OPCML: variants seen among roughly 807,000 people sequenced by gnomAD.
OPCML encodes opioid-binding protein/cell adhesion molecule.
A neutral mutation model predicts 37.8 loss-of-function variants in OPCML; 13 were observed. The ratio of observed to expected loss-of-function variants is 0.34; its 90% CI spans 0.22 to 0.55. OPCML has a LOEUF of 0.55. Ranked by LOEUF, OPCML falls within the 20% of genes least tolerant of loss-of-function variation. OPCML has a pLI of 0.91. For synonymous variants in OPCML, 176 were observed against 168.8 expected (o/e 1.04, Z -0.33); for missense variants, 341 against 435.6 (o/e 0.78, Z 1.93).
chr11:132,578,489 G>A (rs2137613719), intron 3 of OPCML, among the ~76,000 whole-genome samples: 1 of 152,244 alleles, frequency 6.6e-6, no homozygotes, highest in South Asian at 2.1e-4. Flanking sequence ...CTGCATTTGT[G>A]GAGCTTTATA....
At chr11:133,317,567 AGTT>A (rs1445732318) in intron 1 of OPCML, among the ~76,000 whole-genome samples, 1 of 152,198 alleles carries the variant, frequency 6.6e-6, no homozygotes, top group African/African-American at 2.4e-5. Flanking sequence ...TATTAGCAGA[AGTT>A]GTTGTCGTAG....
At chr11:132,768,476 C>T (rs1591582393) in intron 2 of OPCML, among the ~76,000 whole-genome samples, 1 of 152,294 alleles carries the variant, frequency 6.6e-6, no homozygotes, top group Middle Eastern at 3.4e-3. Context: ...GAGGCTTCTA[C>T]AATTTGGGTA....
chr11:132,664,600 G>A (rs1942143250), intron 2 of OPCML, among the ~76,000 whole-genome samples: 1 of 152,132 alleles, frequency 6.6e-6, no homozygotes, highest in East Asian at 1.9e-4. Context: ...TCATAAACCA[G>A]TGATAAATAA....
chr11:132,839,474 A>C (rs1284034379), intron 2 of OPCML, among the ~76,000 whole-genome samples: 1 of 152,204 alleles, frequency 6.6e-6, no homozygotes, highest in Non-Finnish European at 1.5e-5. Context: ...ATTTTCCAGC[A>C]TGCTTAAATT....
chr11:133,398,114 C>T (rs1477596921), intron 1 of OPCML, among the ~76,000 whole-genome samples: 1 of 152,228 alleles, frequency 6.6e-6, no homozygotes, highest in Non-Finnish European at 1.5e-5. Context: ...AAGGGAGGCT[C>T]ACCTGCTGAC....
chr11:133,361,397 A>G (rs1180934860), intron 1 of OPCML: 1 of 152,504 alleles, frequency 6.6e-6, no homozygotes. Flanking sequence ...CGTCGGGGTC[A>G]CTGTGCCAGG....
intron 4 of OPCML, among the ~76,000 whole-genome samples, chr11:132,498,261 T>C (rs1477175849): frequency 1.3e-5 from 2 of 152,228 alleles, no homozygotes; most frequent in Non-Finnish European, 2.9e-5. Flanking sequence ...TTGAAGATTT[T>C]ACAGAGTTAA....
At chr11:132,801,753 G>A (rs1162347469) in intron 2 of OPCML, among the ~76,000 whole-genome samples, 1 of 152,126 alleles carries the variant, frequency 6.6e-6, no homozygotes, top group South Asian at 2.1e-4. Context: ...TTAAGTCTCA[G>A]TCTATTCTCC....
At chr11:132,643,480 AC>A (rs1940973034) in intron 3 of OPCML, among the ~76,000 whole-genome samples, 1 of 151,856 alleles carries the variant, frequency 6.6e-6, no homozygotes, top group African/African-American at 2.4e-5. Flanking sequence ...TGATTTTCCC[AC>A]CCCCAACCAG....
At chr11:132,714,887 G>A (rs1944410687) in intron 2 of OPCML, among the ~76,000 whole-genome samples, 1 of 152,138 alleles carries the variant, frequency 6.6e-6, no homozygotes, top group African/African-American at 2.4e-5. Flanking sequence ...GAGCTCTGAG[G>A]GTGATCTGAG....
chr11:132,964,464 G>A (rs1946168937), intron 1 of OPCML, among the ~76,000 whole-genome samples: 1 of 152,196 alleles, frequency 6.6e-6, no homozygotes, highest in African/African-American at 2.4e-5. Flanking sequence ...CATAACCTGT[G>A]TGAGCCTTAG....
At chr11:133,106,751 A>G (rs1949164969) in intron 1 of OPCML, among the ~76,000 whole-genome samples, 1 of 152,230 alleles carries the variant, frequency 6.6e-6, no homozygotes, top group Non-Finnish European at 1.5e-5. Flanking sequence ...AGAAGACAAA[A>G]ATAAAAAGTA....
At chr11:133,470,430 G>A (rs1269710540) in intron 1 of OPCML, among the ~76,000 whole-genome samples, 1 of 152,198 alleles carries the variant, frequency 6.6e-6, no homozygotes, top group Non-Finnish European at 1.5e-5. Context: ...GCTGACCAGA[G>A]GGTGGAAAAG....
chr11:133,364,715 A>G (rs1311232272), intron 1 of OPCML, among the ~76,000 whole-genome samples: 1 of 152,160 alleles, frequency 6.6e-6, no homozygotes, highest in African/African-American at 2.4e-5. Flanking sequence ...CCTTCTTTTT[A>G]TCTTTATTCT....
intron 1 of OPCML, among the ~76,000 whole-genome samples, chr11:132,983,452 G>T (rs1254667667): frequency 6.6e-6 from 1 of 152,172 alleles, no homozygotes; most frequent in African/African-American, 2.4e-5. Context: ...GAAGAAAGGC[G>T]CAGCCCTGAC....
At chr11:132,944,076 C>A (rs1247433108) in intron 1 of OPCML, among the ~76,000 whole-genome samples, 1 of 152,062 alleles carries the variant, frequency 6.6e-6, no homozygotes, top group African/African-American at 2.4e-5. Flanking sequence ...GCCCACCGGG[C>A]TGGGGATGCC....
chr11:133,239,365 T>C (rs1940640047), intron 1 of OPCML, among the ~76,000 whole-genome samples: 1 of 152,204 alleles, frequency 6.6e-6, no homozygotes, highest in Admixed American at 6.5e-5. Flanking sequence ...GACCAGACCT[T>C]GCTTGGACCC....
rs112896453 is a variant in OPCML at position 132,967,341 on chromosome 11, A to G, written c.62-24331T>C. On this transcript the variant is annotated intron_variant, in intron 1 of 7. Transcript: ENST00000524381. The stretch of plus-strand genomic sequence containing the variant: ...TGTTTCTTATACATATTACAACTGT[A>G]TTGTTACAAACCAATAGTGCATTTT... Among the ~76,000 whole-genome samples, 230 of 152,192 alleles carry G rather than the reference A, an allele frequency of 1.5e-3. 4 individuals are homozygous for G. Among genetic ancestry groups the G allele is most frequent in the Non-Finnish European group, 2.3e-3 (153 of 67,936 alleles).
rs189463223 is a variant in OPCML, at chr11:132,682,109, C to T, written c.147-24790G>A. Among the ~76,000 whole-genome samples the T allele has an allele frequency of 1.5e-4, 23 of 152,292 alleles. 1 individual carries two copies. Among genetic ancestry groups the T allele is most frequent in the South Asian group, 6.2e-4 (3 of 4,832 alleles). Reference sequence around the variant, plus strand: ...CCCCAGATGCTGCTGCATAGCTGCACGGAGTTTTGCTCCTGCCAGCACTCA... The same window carrying T: ...CCCCAGATGCTGCTGCATAGCTGCATGGAGTTTTGCTCCTGCCAGCACTCA... On this transcript the variant is annotated intron_variant, in intron 2 of 7. Transcript: ENST00000524381.
Sources: gnomAD v4.1 joint callset for allele counts (sites outside exome capture counted in the v4.1 genomes callset) on GRCh38, gnomAD v4.1.1 for gene constraint, MANE v1.5 for transcripts, NCBI Gene and HGNC (gene_info 2026-07-23, HGNC 2026-07-21) for gene names.